The following PLGRKT variants were observed in gnomAD, a reference collection of about 807,000 sequenced individuals.
PLGRKT encodes plasminogen receptor with a C-terminal lysine.
PLGRKT carries 22 observed loss-of-function variants against 18.5 expected under a neutral mutation model. The ratio of observed to expected loss-of-function variants is 1.19; its 90% CI spans 0.85 to 1.70. PLGRKT has a LOEUF of 1.70. Ranked by LOEUF, PLGRKT falls within the 40% of genes most tolerant of loss-of-function variation. PLGRKT has a pLI of 0.00. For missense variants in PLGRKT, 235 were observed against 174.4 expected (o/e 1.35, Z -1.96); for synonymous variants, 72 against 52.8 (o/e 1.36, Z -1.58).
chr9:5,358,433 T>C (rs1359409269), intron 5 of PLGRKT, 73 bp from the exon 6 acceptor site: 5 of 1,393,094 alleles, frequency 3.6e-6, no homozygotes, highest in Non-Finnish European at 5.1e-6. Flanking sequence ...CTGATTGCTA[T>C]ATTCCTTGAC....
intron 3 of PLGRKT, among the ~76,000 whole-genome samples, chr9:5,390,146 C>A (rs959095019): frequency 4.0e-5 from 6 of 151,456 alleles, no homozygotes; most frequent in Non-Finnish European, 5.9e-5. Context: ...GGTATTTTTG[C>A]TTAAAATACC....
chr9:5,362,251 T>C (rs1222874462), intron 3 of PLGRKT, among the ~76,000 whole-genome samples: 1 of 152,256 alleles, frequency 6.6e-6, no homozygotes, highest in Non-Finnish European at 1.5e-5. Flanking sequence ...TTGGCCTTTA[T>C]TTCTACTTGC....
chr9:5,395,645 C>G lies in PLGRKT; in HGVS notation c.82-33757G>C, dbSNP rs1374808165. On this transcript the variant is annotated intron_variant, in intron 3 of 5. Coordinates refer to ENST00000223864, the MANE Select transcript of PLGRKT (RefSeq NM_018465.4). ...ATTCCTTTGTATAATGATCTCTATT[C>G]ACTACTTGATCTGGCATTTTCTTTT... Among the ~76,000 whole-genome samples the G allele has an allele frequency of 2.0e-5, 3 of 151,862 alleles. No individual in the cohort carries two copies. In the East Asian group the frequency reaches 5.8e-4, roughly 29 times the overall value.
At chr9:5,374,292 T>C (rs1336689168) in intron 3 of PLGRKT, among the ~76,000 whole-genome samples, 1 of 152,214 alleles carries the variant, frequency 6.6e-6, no homozygotes, top group Admixed American at 6.5e-5. Flanking sequence ...CACTAAACTG[T>C]GTTTTCTGTT....
At chr9:5,381,940 G>A (rs1204745185) in intron 3 of PLGRKT, 2 of 984,592 alleles carry the variant, frequency 2.0e-6, no homozygotes, top group Non-Finnish European at 2.4e-6. Context: ...CCGAGACAGG[G>A]CCTCCATGCC....
chr9:5,407,841 C>T (rs889812060), intron 3 of PLGRKT, among the ~76,000 whole-genome samples: 1 of 152,100 alleles, frequency 6.6e-6, no homozygotes, highest in Non-Finnish European at 1.5e-5. Context: ...AAAAGAAAAG[C>T]AAAATGCTAT....
chr9:5,419,073 G>T (rs1455910999), intron 3 of PLGRKT: 2 of 303,604 alleles, frequency 6.6e-6, no homozygotes, highest in South Asian at 4.8e-5. Flanking sequence ...AGGTCATGGG[G>T]AGCTCAGACA....
chr9:5,433,957 GGGA>G (rs199882619), intron 2 of PLGRKT, among the ~76,000 whole-genome samples: 5 of 123,800 alleles, frequency 4.0e-5, no homozygotes, highest in Non-Finnish European at 5.0e-5. Flanking sequence ...CGCCCCGTCT[GGGA>G]GGAAGTGAGG....
At chr9:5,414,681 A>G (rs1169025941) in intron 3 of PLGRKT, among the ~76,000 whole-genome samples, 3 of 152,230 alleles carry the variant, frequency 2.0e-5, no homozygotes, top group Non-Finnish European at 4.4e-5. Context: ...TACTGTGAAG[A>G]CAAAAGGAAC....
intron 3 of PLGRKT, among the ~76,000 whole-genome samples, chr9:5,368,522 G>T (rs1051408643): frequency 1.3e-5 from 2 of 152,150 alleles, no homozygotes; most frequent in Admixed American, 6.5e-5. Flanking sequence ...GTAAGTGGCA[G>T]CTAAGCACTG....
At chr9:5,433,734 G>T (rs1197321437) in intron 2 of PLGRKT, among the ~76,000 whole-genome samples, 1 of 141,216 alleles carries the variant, frequency 7.1e-6, no homozygotes, top group South Asian at 2.3e-4. Flanking sequence ...CCATCGTCTG[G>T]GATGTGAGGA....
At chr9:5,376,889 T>A (rs1397374526) in intron 3 of PLGRKT, among the ~76,000 whole-genome samples, 4 of 152,212 alleles carry the variant, frequency 2.6e-5, no homozygotes, top group Non-Finnish European at 5.9e-5. Context: ...ACCAGGTGGC[T>A]GGGGACAGGG....
chr9:5,425,918 G>A (rs544046298), intron 3 of PLGRKT, among the ~76,000 whole-genome samples: 14 of 152,192 alleles, frequency 9.2e-5, no homozygotes, highest in South Asian at 6.2e-4. Context: ...TCTAATAAAC[G>A]TTTTGCTTTA....
intron 3 of PLGRKT, among the ~76,000 whole-genome samples, chr9:5,366,379 G>C (rs374730832): frequency 2.6e-5 from 4 of 152,096 alleles, no homozygotes; most frequent in South Asian, 2.1e-4. Context: ...TATTTTAAAA[G>C]AAATGTAGAC....
At chr9:5,437,468 CCT>C (rs1484807457) in intron 1 of PLGRKT, among the ~76,000 whole-genome samples, 1 of 152,182 alleles carries the variant, frequency 6.6e-6, no homozygotes, top group African/African-American at 2.4e-5. Context: ...GCCCTTGCTC[CCT>C]GAGGCCAGTT....
intron 3 of PLGRKT, among the ~76,000 whole-genome samples, chr9:5,364,779 A>C (rs1817346735): frequency 1.3e-5 from 2 of 152,232 alleles, no homozygotes; most frequent in African/African-American, 4.8e-5. Flanking sequence ...ATGAGCAACA[A>C]GTAAATTGAC....
At chr9:5,365,450 A>G (rs1402272779) in intron 3 of PLGRKT, among the ~76,000 whole-genome samples, 2 of 152,210 alleles carry the variant, frequency 1.3e-5, no homozygotes, top group Admixed American at 6.5e-5. Flanking sequence ...ACTCATTTAT[A>G]TACATACTCC....
At chr9:5,431,597 G>C (rs1250661431) in intron 3 of PLGRKT, among the ~76,000 whole-genome samples, 1 of 150,790 alleles carries the variant, frequency 6.6e-6, no homozygotes, top group East Asian at 1.9e-4. Flanking sequence ...GCATAATCCA[G>C]GATAATCTCC....
intron 2 of PLGRKT, 89 bp downstream of exon 2, chr9:5,436,480 G>T (rs1351017383): frequency 6.6e-6 from 1 of 152,240 alleles, no homozygotes; most frequent in East Asian, 1.9e-4. Flanking sequence ...CTGTTTGTAA[G>T]GGGTTAGGAT....
Sources: gnomAD v4.1 joint callset for allele counts (sites outside exome capture counted in the v4.1 genomes callset) on GRCh38, gnomAD v4.1.1 for gene constraint, MANE v1.5 for transcripts, NCBI Gene and HGNC (gene_info 2026-07-23, HGNC 2026-07-21) for gene names.